SLC37A3: variants seen among roughly 807,000 people sequenced by gnomAD.
SLC37A3 encodes the protein sugar phosphate exchanger 3.
Under a neutral mutation model 67.1 loss-of-function variants are expected in SLC37A3, and 51 were observed. That is an observed-to-expected ratio of 0.76 (90% confidence interval 0.61 to 0.96). SLC37A3 has a LOEUF of 0.96. Among genes scored for constraint, SLC37A3 ranks in the 40% least tolerant of loss-of-function variants. The probability of loss-of-function intolerance (pLI) is 0.00; values close to 1 mark genes in which losing one functional copy is unlikely to be tolerated. For synonymous variants in SLC37A3, 214 were observed against 231.4 expected (o/e 0.92, Z 0.68); for missense variants, 508 against 603.0 (o/e 0.84, Z 1.65).
chr7:140,345,705 T>C (rs1276207191), intron 11 of SLC37A3, among the ~76,000 whole-genome samples, 164 bp downstream of exon 11: 1 of 152,144 alleles, frequency 6.6e-6, no homozygotes, highest in Non-Finnish European at 1.5e-5. Context: ...AACTATGTGA[T>C]GACAGGTTTC....
At chr7:140,365,078 G>C (rs1379862653) in intron 4 of SLC37A3, among the ~76,000 whole-genome samples, 1 of 152,290 alleles carries the variant, frequency 6.6e-6, no homozygotes, top group South Asian at 2.1e-4. Context: ...ACATCCCAAG[G>C]CAGGGAGAGT....
At chr7:140,377,256 G>C (rs1798071539) in intron 3 of SLC37A3, among the ~76,000 whole-genome samples, 1 of 150,678 alleles carries the variant, frequency 6.6e-6, no homozygotes, top group Admixed American at 6.6e-5. Flanking sequence ...TAGAGACGGT[G>C]GTCTCTCTAT....
At chr7:140,391,611 C>T (rs1421200157) in intron 1 of SLC37A3, among the ~76,000 whole-genome samples, 1 of 152,162 alleles carries the variant, frequency 6.6e-6, no homozygotes, top group East Asian at 1.9e-4. Flanking sequence ...CCAAATCTAT[C>T]CCTCCCCTGT....
intron 1 of SLC37A3, among the ~76,000 whole-genome samples, chr7:140,387,686 T>TATATATATTATATAAATATAAATATAC (rs1798516383): frequency 9.1e-6 from 1 of 109,512 alleles, no homozygotes; most frequent in African/African-American, 3.7e-5. Context: ...TATAAATATA[T>TATATATATTATATAAATATAAATATAC]TATATATATT....
chr7:140,349,348 C>T (rs1264417900), intron 9 of SLC37A3, among the ~76,000 whole-genome samples: 1 of 152,150 alleles, frequency 6.6e-6, no homozygotes, highest in African/African-American at 2.4e-5. Flanking sequence ...CTCCACATTC[C>T]CTGGTCTGGT....
In SLC37A3 at chr7:140,333,861, C is replaced by G. The variant is rs1396506366; in HGVS notation, c.*1551G>C. 1.3e-5 allele frequency: 2 copies of G among 152,612 alleles called. No homozygotes were observed. Among genetic ancestry groups the G allele is most frequent in the Non-Finnish European group, 2.9e-5 (2 of 68,036 alleles). The allele number at this position is 152,612 out of a possible 1,614,324, so 9.5% of individuals were successfully genotyped here. On this transcript the variant is annotated 3_prime_UTR_variant, in exon 15 of 15. Transcript: ENST00000326232. ...AATCTGCATGATTAAATAACATTAACAAGTTCATAAACACACCCCATATCA... is the reference window on the plus strand; with the variant it reads ...AATCTGCATGATTAAATAACATTAAGAAGTTCATAAACACACCCCATATCA...
chr7:140,345,729 G>A, intron 11 of SLC37A3, 140 bp downstream of exon 11: 3 of 688,976 alleles, frequency 4.4e-6, no homozygotes, highest in Non-Finnish European at 5.3e-6. Flanking sequence ...GGCATTCACA[G>A]GACAATGCAA....
intron 10 of SLC37A3, among the ~76,000 whole-genome samples, chr7:140,347,257 A>G (rs1406170235): frequency 1.3e-5 from 2 of 151,880 alleles, no homozygotes; most frequent in Middle Eastern, 3.2e-3. Context: ...CAAAAAAAAA[A>G]AAAAAGAAAA....
chr7:140,351,387 A>C lies in SLC37A3; in HGVS notation c.768T>G (p.Gly256=). Residue 256 remains glycine (G), a synonymous_variant, in exon 9 of 15, where the codon GGT becomes GGG. Transcript: ENST00000326232. ...EEDSHRPLIN[G]GENEDEYEPN... is the part of the protein sequence containing the mutation. Reference sequence around the variant, plus strand: ...GCTCATATTCGTCTTCATTTTCACCACCATTAATTAATGGCCTGTGTGAGT... The same window carrying C: ...GCTCATATTCGTCTTCATTTTCACCCCCATTAATTAATGGCCTGTGTGAGT... 6.2e-7 allele frequency: 1 copy of C among 1,614,068 alleles called. No individual in the cohort carries two copies. Among genetic ancestry groups the C allele is most frequent in the Non-Finnish European group, 8.5e-7 (1 of 1,180,016 alleles).
intron 3 of SLC37A3, among the ~76,000 whole-genome samples, chr7:140,374,708 T>C (rs377043567): frequency 1.4e-4 from 22 of 151,978 alleles, no homozygotes; most frequent in African/African-American, 5.3e-4. Context: ...TAGCTGGGCA[T>C]GGTGGTGCAC....
chr7:140,350,781 A>C (rs1210306828), intron 9 of SLC37A3, among the ~76,000 whole-genome samples: 1 of 151,880 alleles, frequency 6.6e-6, no homozygotes, highest in Non-Finnish European at 1.5e-5. Flanking sequence ...TAAATAAATA[A>C]ATAAAAAATA....
At chr7:140,345,531 T>A (rs1382564054) in intron 11 of SLC37A3, among the ~76,000 whole-genome samples, 2 of 152,188 alleles carry the variant, frequency 1.3e-5, no homozygotes, top group Non-Finnish European at 2.9e-5. Context: ...AACCTACTAA[T>A]TACCATCTTT....
At chr7:140,375,474 C>CAAAA (rs11292852) in intron 3 of SLC37A3, among the ~76,000 whole-genome samples, 1 of 139,890 alleles carries the variant, frequency 7.1e-6, no homozygotes, top group Non-Finnish European at 1.6e-5. Context: ...GACTCCGTCT[C>CAAAA]AAAAAAAAAA....
chr7:140,343,923 T>A, intron 12 of SLC37A3: 1 of 224,336 alleles, frequency 4.5e-6, no homozygotes, highest in Non-Finnish European at 8.8e-6. Context: ...CTACACAAAT[T>A]CAACCAGGAA....
rs1347318947 is a variant in SLC37A3, at chr7:140,335,500, C to T, written c.1397G>A (p.Ser466Asn). The change falls in exon 15 of 15, where the codon AGT (serine) becomes AAT (asparagine). Residue 466 changes from serine (S) to asparagine (N), a missense_variant. Physicochemically the swap from Ser to Asn is conservative, Grantham distance 46. Transcript: ENST00000326232. ...WVFYFFILMTSCTIVFISPLI... is the reference protein window; with the variant it reads ...WVFYFFILMTNCTIVFISPLI... ...TGGCGAGATAAACACAATTGTACAA[C>T]TTGTCTGTAAAGAGAAAATAGTATT... 13 of 1,613,338 alleles carry T rather than the reference C, an allele frequency of 8.1e-6. No individual in the cohort carries two copies. Among genetic ancestry groups the T allele is most frequent in the East Asian group, 6.7e-5 (3 of 44,904 alleles).
At chr7:140,363,666 C>A (rs1252262659) in intron 5 of SLC37A3, among the ~76,000 whole-genome samples, 1 of 114,202 alleles carries the variant, frequency 8.8e-6, no homozygotes. Context: ...TCCCCCTCTG[C>A]GAGAAACACC....
At position 140,369,593 on chromosome 7, in the gene SLC37A3, A is replaced by G. The variant is rs1484613652; in HGVS notation, c.288T>C (p.Ala96=). Residue 96 remains alanine (A), a synonymous_variant, in exon 4 of 15, where the codon GCT becomes GCC. Coordinates refer to ENST00000326232, the MANE Select transcript of SLC37A3 (RefSeq NM_207113.3). ...GCCCTAGAGTTCCAAAACTTACCAC[A>G]GCATAGGAGAAGAGGAAAATGGTAT... ...TLDTIFLFSY[A]VGLFISGIVG... 6 of 1,613,782 alleles carry G rather than the reference A, an allele frequency of 3.7e-6. No individual in the cohort carries two copies. The South Asian group carries it at 6.6e-5, about 18-fold the overall frequency.
At chr7:140,372,297 T>C (rs1797852848) in intron 3 of SLC37A3, among the ~76,000 whole-genome samples, 1 of 152,200 alleles carries the variant, frequency 6.6e-6, no homozygotes, top group Admixed American at 6.5e-5. Flanking sequence ...GACCAGATCA[T>C]AGCCCTCCAA....
intron 3 of SLC37A3, among the ~76,000 whole-genome samples, chr7:140,375,781 A>G (rs986411286): frequency 5.9e-5 from 9 of 152,244 alleles, no homozygotes; most frequent in Non-Finnish European, 1.3e-4. Context: ...CAATCTGGTT[A>G]CTTTAATGCC....
Sources: gnomAD v4.1 joint callset for allele counts (sites outside exome capture counted in the v4.1 genomes callset) on GRCh38, gnomAD v4.1.1 for gene constraint, MANE v1.5 for transcripts, NCBI Gene and HGNC (gene_info 2026-07-23, HGNC 2026-07-21) for gene names.